The following TTC29 variants were observed in gnomAD, a reference collection of about 807,000 sequenced individuals.
TTC29 encodes tetratricopeptide repeat domain 29, also known as tetratricopeptide repeat protein 29.
In TTC29, 49 loss-of-function variants were observed where a neutral mutation model predicts 58.1. The ratio of observed to expected loss-of-function variants is 0.84; its 90% confidence interval spans 0.67 to 1.07. The LOEUF (loss-of-function observed/expected upper bound fraction) is 1.07, where lower values mean the gene tolerates loss of function less well. TTC29 is among the 50% of genes least tolerant of loss of function. The pLI is 0.00. For synonymous variants in TTC29, 209 were observed against 196.8 expected (o/e 1.06, Z -0.52); for missense variants, 582 against 555.6 (o/e 1.05, Z -0.48).
chr4:146,814,118 C>T (rs1289474391), intron 10 of TTC29, among the ~76,000 whole-genome samples: 1 of 152,134 alleles, frequency 6.6e-6, no homozygotes, highest in Non-Finnish European at 1.5e-5. Context: ...TTTTGATCAC[C>T]TATTCTGTGC....
intron 8 of TTC29, among the ~76,000 whole-genome samples, chr4:146,841,655 A>G (rs1728859254): frequency 6.6e-6 from 1 of 151,958 alleles, no homozygotes; most frequent in Non-Finnish European, 1.5e-5. Flanking sequence ...AGTTAACTCA[A>G]TATTTGAAGC....
intron 8 of TTC29, among the ~76,000 whole-genome samples, chr4:146,839,876 A>T (rs1509336): frequency 0.12 from 18,367 of 151,920 alleles, 1,808 homozygotes; most frequent in African/African-American, 0.26. Context: ...AGTGATAGAA[A>T]AAAAGGAGTT....
chr4:146,841,937 G>A (rs945540314), intron 8 of TTC29, among the ~76,000 whole-genome samples: 3 of 152,092 alleles, frequency 2.0e-5, no homozygotes, highest in Non-Finnish European at 4.4e-5. Context: ...CTAAGGATTT[G>A]AACAAAACAA....
At chr4:146,777,449 C>T (rs1021749639) in intron 11 of TTC29, among the ~76,000 whole-genome samples, 2 of 151,710 alleles carry the variant, frequency 1.3e-5, no homozygotes, top group African/African-American at 4.8e-5. Context: ...GTTCTGGACA[C>T]ATTTATTAGA....
rs142212444 is a variant in TTC29 at position 146,917,152 on chromosome 4, T to C, written c.177-7903A>G. Reference sequence around the variant, plus strand: ...ATGATTTAATTTAATTATTACATGTTAACATCTCAAAAAGTAGAATTTATT... The same window carrying C: ...ATGATTTAATTTAATTATTACATGTCAACATCTCAAAAAGTAGAATTTATT... On this transcript the variant is annotated intron_variant, in intron 4 of 12. Coordinates refer to ENST00000325106, the MANE Select transcript of TTC29 (RefSeq NM_031956.4). Among the ~76,000 whole-genome samples the C allele has an allele frequency of 2.4e-3, 366 of 151,078 alleles. 1 individual carries two copies. The highest frequency in any genetic ancestry group is 8.6e-3 in the African/African-American group (358 of 41,472).
chr4:146,928,569 T>C (rs2150314582), intron 4 of TTC29, among the ~76,000 whole-genome samples: 1 of 152,324 alleles, frequency 6.6e-6, no homozygotes, highest in East Asian at 1.9e-4. Context: ...ATGTGGATAC[T>C]GTTATAGGTG....
chr4:146,733,318 T>C (rs1295780640), intron 11 of TTC29, among the ~76,000 whole-genome samples: 1 of 152,122 alleles, frequency 6.6e-6, no homozygotes, highest in African/African-American at 2.4e-5. Flanking sequence ...CTAAAGAATT[T>C]AGCATAATAT....
At chr4:146,817,933 C>G (rs970797453) in intron 10 of TTC29, among the ~76,000 whole-genome samples, 2 of 152,102 alleles carry the variant, frequency 1.3e-5, no homozygotes, top group African/African-American at 4.8e-5. Flanking sequence ...AAAATTAATT[C>G]AAGATGGATT....
chr4:146,779,208 ATAGT>A (rs1748383098), intron 11 of TTC29, among the ~76,000 whole-genome samples: 1 of 152,028 alleles, frequency 6.6e-6, no homozygotes, highest in Non-Finnish European at 1.5e-5. Context: ...ATATTTTATA[ATAGT>A]TATTTATTGA....
intron 11 of TTC29, among the ~76,000 whole-genome samples, chr4:146,717,938 C>A (rs1743058704): frequency 6.6e-6 from 1 of 152,100 alleles, no homozygotes. Context: ...CTCTCTGCTT[C>A]TTTGAGTTAG....
intron 4 of TTC29, among the ~76,000 whole-genome samples, chr4:146,920,833 A>G (rs918058236): frequency 6.6e-6 from 1 of 151,114 alleles, no homozygotes; most frequent in Non-Finnish European, 1.5e-5. Context: ...TATATATTCT[A>G]TATGTCTTGG....
intron 11 of TTC29, among the ~76,000 whole-genome samples, chr4:146,713,111 C>CGTGGGTGTGTGTGT: frequency 7.2e-6 from 1 of 139,646 alleles, no homozygotes; most frequent in East Asian, 2.2e-4. Flanking sequence ...GAGAATTGAT[C>CGTGGGTGTGTGTGT]GTGTGTGTGT....
chr4:146,711,934 T>A (rs1742523614), intron 11 of TTC29, among the ~76,000 whole-genome samples: 1 of 152,022 alleles, frequency 6.6e-6, no homozygotes, highest in Non-Finnish European at 1.5e-5. Context: ...GAGAACGAAG[T>A]TCTGTTTGGG....
intron 11 of TTC29, among the ~76,000 whole-genome samples, chr4:146,752,034 G>C (rs1053447597): frequency 1.8e-4 from 27 of 151,988 alleles, no homozygotes; most frequent in African/African-American, 4.8e-4. Flanking sequence ...TCTCACCACT[G>C]CTATTCAACA....
intron 11 of TTC29, among the ~76,000 whole-genome samples, chr4:146,737,346 C>T (rs1314831121): frequency 6.6e-6 from 1 of 152,046 alleles, no homozygotes; most frequent in East Asian, 1.9e-4. Flanking sequence ...AGCAGATATT[C>T]CTGTGTGTTT....
intron 8 of TTC29, among the ~76,000 whole-genome samples, chr4:146,861,916 C>A (rs570466869): frequency 6.6e-6 from 1 of 151,948 alleles, no homozygotes; most frequent in East Asian, 1.9e-4. Flanking sequence ...ATTTGAAATA[C>A]AAGTGAGAAG....
intron 8 of TTC29, among the ~76,000 whole-genome samples, chr4:146,860,397 T>C (rs960948289): frequency 5.9e-5 from 9 of 152,192 alleles, no homozygotes; most frequent in Non-Finnish European, 1.3e-4. Flanking sequence ...CCATTGTTAA[T>C]AAATATATAT....
intron 11 of TTC29, among the ~76,000 whole-genome samples, chr4:146,775,228 G>T (rs183146956): frequency 8.3e-4 from 127 of 152,166 alleles, no homozygotes; most frequent in Non-Finnish European, 1.6e-3. Flanking sequence ...TTTTACCTGA[G>T]AAATTTATCC....
At chr4:146,927,088 A>AG (rs1734989771) in intron 4 of TTC29, among the ~76,000 whole-genome samples, 1 of 151,658 alleles carries the variant, frequency 6.6e-6, no homozygotes, top group African/African-American at 2.4e-5. Context: ...CTCAAAAAAA[A>AG]AAAAAAGAAA....
Sources: allele counts gnomAD v4.1 joint callset (sites outside exome capture counted in the v4.1 genomes callset), GRCh38; gene constraint gnomAD v4.1.1; transcripts MANE v1.5; gene names NCBI Gene and HGNC (gene_info 2026-07-23, HGNC 2026-07-21).